Variants in ARL15 observed in about 807,000 individuals in gnomAD.
ARL15 encodes ARF like GTPase 15, also known as ADP-ribosylation factor-like protein 15.
Under a neutral mutation model 25.2 loss-of-function variants are expected in ARL15, and 19 were observed. That is an observed-to-expected ratio of 0.75 (90% CI 0.53 to 1.10). The LOEUF is 1.10. Ranked by LOEUF, ARL15 falls within the 50% of genes least tolerant of loss-of-function variation. The pLI, the probability that ARL15 is intolerant of heterozygous loss-of-function variation, is 0.00. For missense variants in ARL15, 220 were observed against 246.0 expected (o/e 0.89, Z 0.71); for synonymous variants, 94 against 86.8 (o/e 1.08, Z -0.46).
At chr5:54,251,297 G>A (rs890792943) in intron 1 of ARL15, among the ~76,000 whole-genome samples, 12 of 152,288 alleles carry the variant, frequency 7.9e-5, no homozygotes, top group African/African-American at 1.7e-4. Flanking sequence ...AAAGAGATAC[G>A]TCTGTAGGCT....
At chr5:53,888,444 C>T (rs1195015414) in intron 4 of ARL15, among the ~76,000 whole-genome samples, 4 of 151,998 alleles carry the variant, frequency 2.6e-5, no homozygotes, top group Admixed American at 2.6e-4. Context: ...CAACAACTGG[C>T]TAATTTTTAA....
intron 4 of ARL15, among the ~76,000 whole-genome samples, chr5:53,961,932 A>G (rs1747386294): frequency 6.6e-6 from 1 of 152,172 alleles, no homozygotes; most frequent in Non-Finnish European, 1.5e-5. Context: ...CAGGGAGCAT[A>G]TGGAGTTCTA....
At chr5:54,253,827 C>A (rs1419450165) in intron 1 of ARL15, among the ~76,000 whole-genome samples, 2 of 152,134 alleles carry the variant, frequency 1.3e-5, no homozygotes, top group African/African-American at 2.4e-5. Flanking sequence ...TGTGCTCAAG[C>A]AACCCTCCCA....
chr5:54,196,191 T>C (rs984055574), intron 1 of ARL15, among the ~76,000 whole-genome samples: 2 of 152,182 alleles, frequency 1.3e-5, no homozygotes, highest in African/African-American at 2.4e-5. Context: ...GAGTATGTTT[T>C]ATGACATCAA....
intron 4 of ARL15, among the ~76,000 whole-genome samples, chr5:54,112,299 G>A (rs1025508396): frequency 2.2e-4 from 33 of 152,228 alleles, no homozygotes; most frequent in African/African-American, 7.9e-4. Context: ...GCTATCTGCC[G>A]TGGGTCACAC....
At chr5:53,909,587 T>C (rs1183448148) in intron 4 of ARL15, among the ~76,000 whole-genome samples, 1 of 152,182 alleles carries the variant, frequency 6.6e-6, no homozygotes, top group Non-Finnish European at 1.5e-5. Context: ...ATGCCTCTAA[T>C]GCCAGCTACT....
intron 4 of ARL15, among the ~76,000 whole-genome samples, chr5:53,936,159 ATATC>A (rs1746343928): frequency 6.6e-6 from 1 of 152,246 alleles, no homozygotes; most frequent in South Asian, 2.1e-4. Context: ...TAATGAAACT[ATATC>A]TATCTTCATG....
At chr5:54,028,173 G>A (rs1050463803) in intron 4 of ARL15, among the ~76,000 whole-genome samples, 8 of 151,864 alleles carry the variant, frequency 5.3e-5, no homozygotes, top group South Asian at 2.1e-4. Context: ...CGCCTGTCTC[G>A]GCCTCCCAAA....
At chr5:54,173,456 T>C (rs1194509510) in intron 1 of ARL15, among the ~76,000 whole-genome samples, 2 of 152,138 alleles carry the variant, frequency 1.3e-5, no homozygotes, top group African/African-American at 2.4e-5. Flanking sequence ...AAAAAGCCTG[T>C]GTTGATTCAT....
At chr5:54,178,580 T>C (rs1053485819) in intron 1 of ARL15, among the ~76,000 whole-genome samples, 1 of 152,134 alleles carries the variant, frequency 6.6e-6, no homozygotes, top group Admixed American at 6.5e-5. Flanking sequence ...ACCCATAACT[T>C]TAAGTGGATA....
At chr5:53,893,401 T>C (rs1744780883) in intron 4 of ARL15, among the ~76,000 whole-genome samples, 1 of 152,054 alleles carries the variant, frequency 6.6e-6, no homozygotes, top group Admixed American at 6.6e-5. Flanking sequence ...GGTCAGGAGA[T>C]TGAGACCATC....
intron 4 of ARL15, among the ~76,000 whole-genome samples, chr5:53,957,962 C>T (rs940129166): frequency 4.6e-5 from 7 of 152,108 alleles, no homozygotes; most frequent in African/African-American, 1.7e-4. Context: ...GTAATCCCAG[C>T]ACTTTGGGAG....
chr5:54,015,750 C>T (rs1749406673), intron 4 of ARL15, among the ~76,000 whole-genome samples: 1 of 152,030 alleles, frequency 6.6e-6, no homozygotes, highest in Non-Finnish European at 1.5e-5. Context: ...CAGGACACAC[C>T]ATCCCAAAAT....
chr5:54,281,434 A>G (rs1242279653), intron 1 of ARL15, among the ~76,000 whole-genome samples: 1 of 152,134 alleles, frequency 6.6e-6, no homozygotes, highest in Non-Finnish European at 1.5e-5. Flanking sequence ...GCCTACTATA[A>G]CTTTTAAAGC....
chr5:54,028,112 G>A (rs1435438671), intron 4 of ARL15, among the ~76,000 whole-genome samples: 2 of 151,900 alleles, frequency 1.3e-5, no homozygotes, highest in Admixed American at 6.6e-5. Flanking sequence ...TAGTAAAGAC[G>A]GGGTTTCACC....
chr5:54,249,672 CAAAAAAAAAAAA>C (rs11437578), intron 1 of ARL15, among the ~76,000 whole-genome samples: 1 of 72,658 alleles, frequency 1.4e-5, no homozygotes, highest in Non-Finnish European at 3.2e-5. Context: ...TGGTTAAGAG[CAAAAAAAAAAAA>C]AAAAAAAACT....
chr5:53,920,002 G>A (rs1351726726), intron 4 of ARL15, among the ~76,000 whole-genome samples: 2 of 152,138 alleles, frequency 1.3e-5, no homozygotes, highest in African/African-American at 4.8e-5. Flanking sequence ...ACAAATATAG[G>A]TAAAGTATTT....
At chr5:54,155,754 C>T (rs923659360) in intron 2 of ARL15, among the ~76,000 whole-genome samples, 1 of 151,808 alleles carries the variant, frequency 6.6e-6, no homozygotes. Flanking sequence ...AAAGGATCCA[C>T]AAGAAACCAG....
intron 3 of ARL15, among the ~76,000 whole-genome samples, chr5:54,116,328 G>T (rs1752896534): frequency 6.6e-6 from 1 of 152,102 alleles, no homozygotes; most frequent in South Asian, 2.1e-4. Flanking sequence ...GGAGATCTGG[G>T]TAGGATACCA....
Sources: gnomAD v4.1 joint callset for allele counts (sites outside exome capture counted in the v4.1 genomes callset) on GRCh38, gnomAD v4.1.1 for gene constraint, MANE v1.5 for transcripts, NCBI Gene and HGNC (gene_info 2026-07-23, HGNC 2026-07-21) for gene names.